The following AKAP10 variants were observed in gnomAD, a reference collection of about 807,000 sequenced individuals.
AKAP10 encodes A-kinase anchoring protein 10, also known as A-kinase anchor protein 10, mitochondrial.
A neutral mutation model predicts 80.8 loss-of-function variants in AKAP10; 24 were observed. The observed-to-expected ratio is 0.30, with a 90% CI of 0.22 to 0.42. The LOEUF (loss-of-function observed/expected upper bound fraction) is 0.42. Ranked by LOEUF, AKAP10 falls within the 10% of genes least tolerant of loss-of-function variation. The pLI is 1.00. For synonymous variants in AKAP10, 291 were observed against 277.7 expected (o/e 1.05, Z -0.48); for missense variants, 661 against 794.9 (o/e 0.83, Z 2.03).
In AKAP10 at chr17:19,916,630, AC is replaced by A. The variant is rs540090983; in HGVS notation, c.1834+3405del. On this transcript the variant is annotated intron_variant, in intron 12 of 14. Coordinates refer to ENST00000225737, the MANE Select transcript of AKAP10 (RefSeq NM_007202.4). ...CTTCATGAGCTGTCAGAGGTATGAG[AC>A]CAGATTAAAAAAAAAAAAAAATCAG... 9.9e-4 allele frequency among the ~76,000 whole-genome samples: 150 copies of A among 151,812 alleles called. 4 individuals carry two copies. The South Asian group carries it at 0.029, about 29-fold the overall frequency.
Position 19,909,241 on chromosome 17 carries a change from C to T in AKAP10, c.1923G>A (p.Met641Ile). Residue 641 changes from methionine to isoleucine, a missense_variant, in exon 14 of 15, where the codon ATG becomes ATA. Coordinates refer to ENST00000225737, the MANE Select transcript of AKAP10 (RefSeq NM_007202.4). ...QEELAWKIAK[M>I]IVSDIMQQAQ... ...CCTGCTGCATAATGTCACTGACTATCATTTTAGCAATCTTCCAAGCTAGCT... is the reference window on the plus strand; with the variant it reads ...CCTGCTGCATAATGTCACTGACTATTATTTTAGCAATCTTCCAAGCTAGCT... The T allele has an allele frequency of 6.2e-7, 1 of 1,613,644 alleles. No homozygotes were observed. The highest frequency in any genetic ancestry group is 8.5e-7 in the Non-Finnish European group (1 of 1,179,930).
chr17:19,966,826 T>TA (rs907192826), intron 2 of AKAP10, among the ~76,000 whole-genome samples: 15 of 152,128 alleles, frequency 9.9e-5, no homozygotes, highest in African/African-American at 3.1e-4. Flanking sequence ...TCCTTCCTTC[T>TA]ACTACAGTCA....
At chr17:19,912,785 C>T (rs1375699522) in intron 12 of AKAP10, among the ~76,000 whole-genome samples, 1 of 152,084 alleles carries the variant, frequency 6.6e-6, no homozygotes, top group Non-Finnish European at 1.5e-5. Flanking sequence ...AAGCTATAGG[C>T]TAGTAAATGA....
intron 10 of AKAP10, among the ~76,000 whole-genome samples, chr17:19,931,272 A>G (rs2042929251): frequency 6.6e-6 from 1 of 152,232 alleles, no homozygotes. Flanking sequence ...AGAAACAGCC[A>G]CAGATTCAAA....
intron 9 of AKAP10, among the ~76,000 whole-genome samples, chr17:19,934,208 G>A (rs964718907): frequency 1.3e-5 from 2 of 152,038 alleles, no homozygotes; most frequent in African/African-American, 2.4e-5. Context: ...GATGTGAGTC[G>A]CCGTGCCTAG....
intron 4 of AKAP10, among the ~76,000 whole-genome samples, chr17:19,948,498 T>G (rs909229274): frequency 3.3e-5 from 5 of 152,096 alleles, no homozygotes; most frequent in Non-Finnish European, 7.4e-5. Flanking sequence ...ACAGCAGCAA[T>G]GACAGCAGCT....
rs1195857137 is a variant in AKAP10 at position 19,977,642 on chromosome 17, CG to C, written c.37del (p.Arg13AlafsTer18). 3 of 1,235,198 alleles carry C rather than the reference CG, an allele frequency of 2.4e-6. No individual in the cohort carries two copies. Among genetic ancestry groups the C allele is most frequent in the Non-Finnish European group, 2.0e-6 (2 of 987,952 alleles). The allele number at this position is 1,235,198 out of a possible 1,614,324, so 76.5% of individuals were successfully genotyped here. A position where few individuals can be genotyped will look rare whatever the true frequency, so the allele number is the denominator to read the frequency against. On this transcript the variant is annotated frameshift_variant, in exon 1 of 15. Coordinates refer to ENST00000225737, the MANE Select transcript of AKAP10 (RefSeq NM_007202.4). LOFTEE classifies it high-confidence loss of function. ...GGGGCCCGGGTCGGGACGGAGGGTGCGGGGGGACTGGCGCGGGGAGGGCCCG... is the reference window on the plus strand; with the variant it reads ...GGGGCCCGGGTCGGGACGGAGGGTGCGGGGGACTGGCGCGGGGAGGGCCCG... ...GAGPSPRQSPRTLRPDPGPAM... is the reference protein window; with the variant it reads ...GAGPSPRQSPXTLRPDPGPAM...
At chr17:19,909,845 G>A (rs920005292) in intron 13 of AKAP10, 81 bp downstream of exon 13, 2 of 1,379,718 alleles carry the variant, frequency 1.4e-6, no homozygotes, top group African/African-American at 2.9e-5. Flanking sequence ...GGGACCTAAA[G>A]AAAAGGAAAA....
rs775061983 is a variant in AKAP10 at position 19,939,793 on chromosome 17, G to T, written c.1242C>A (p.Asn414Lys). 1 of 1,614,004 alleles carries T rather than the reference G, an allele frequency of 6.2e-7. No individual in the cohort carries two copies. Residue 414 changes from asparagine (N) to lysine (K), a missense_variant, in exon 8 of 15, where the codon AAC becomes AAA. Coordinates refer to ENST00000225737, the MANE Select transcript of AKAP10 (RefSeq NM_007202.4). The part of the protein sequence containing the change: ...NILQFWLAAD[N>K]FQSQLAAKKG... The stretch of plus-strand genomic sequence containing the variant: ...TTTTGGCAGCAAGCTGAGACTGGAA[G>T]TTATCTGCTGCCAACCAGAATTGTA...
chr17:19,977,647 G>A lies in AKAP10; in HGVS notation c.33C>T (p.Ser11=), dbSNP rs528303318. Residue 11 remains serine (S), a synonymous_variant, in exon 1 of 15, where the codon TCC becomes TCT. Transcript: ENST00000225737. The part of the protein sequence containing the change: MRGAGPSPRQ[S]PRTLRPDPGP... ...CCGGGTCGGGACGGAGGGTGCGGGG[G>A]GACTGGCGCGGGGAGGGCCCGGCTC... 37 of 1,235,478 alleles carry A rather than the reference G, an allele frequency of 3.0e-5. No homozygotes were observed. Among genetic ancestry groups the A allele is most frequent in the Admixed American group, 2.1e-4 (5 of 23,716 alleles). The allele number at this position is 1,235,478 out of a possible 1,614,324, so 76.5% of individuals were successfully genotyped here. A position where few individuals can be genotyped will look rare whatever the true frequency, so the allele number is the denominator to read the frequency against.
At position 19,938,453 on chromosome 17, in the gene AKAP10, T is replaced by TCTTGAACGCCTGAC. The variant is rs1347561233; in HGVS notation, c.1322+1246_1322+1259dup. Among the ~76,000 whole-genome samples the TCTTGAACGCCTGAC allele has an allele frequency of 6.9e-4, 105 of 151,734 alleles. 1 individual carries two copies. The highest frequency in any genetic ancestry group is 1.2e-3 in the Non-Finnish European group (83 of 67,930). ...GGTTTTACCATGTTGGCCAGGCTGG[T>TCTTGAACGCCTGAC]CTTGAACGCCTGACCTCAAGTAATC... is the stretch of plus-strand genomic sequence containing the variant. On this transcript the variant is annotated intron_variant, in intron 8 of 14. Transcript: ENST00000225737.
chr17:19,920,527 T>C (rs888402366), intron 11 of AKAP10, among the ~76,000 whole-genome samples: 1 of 152,098 alleles, frequency 6.6e-6, no homozygotes, highest in Non-Finnish European at 1.5e-5. Flanking sequence ...ACTAAAACTA[T>C]AGTACTATAA....
At chr17:19,955,873 A>C (rs2043269708) in intron 4 of AKAP10, among the ~76,000 whole-genome samples, 1 of 152,074 alleles carries the variant, frequency 6.6e-6, no homozygotes, top group Non-Finnish European at 1.5e-5. Context: ...TTGGACTTCC[A>C]TTTCCAGAAA....
intron 3 of AKAP10, among the ~76,000 whole-genome samples, chr17:19,959,633 AACC>A (rs1242596740): frequency 7.2e-5 from 11 of 152,238 alleles, no homozygotes; most frequent in African/African-American, 2.7e-4. Flanking sequence ...TTTAAATTAT[AACC>A]ACAAGCTAAT....
At chr17:19,963,209 CTCTT>C (rs1168034877) in intron 2 of AKAP10, among the ~76,000 whole-genome samples, 187 bp from the exon 3 acceptor site, 6 of 140,476 alleles carry the variant, frequency 4.3e-5, no homozygotes, top group South Asian at 2.2e-4. Context: ...AAAGAAAACA[CTCTT>C]TTTTTTTTTT....
chr17:19,917,725 A>C (rs1014058065), intron 12 of AKAP10, among the ~76,000 whole-genome samples: 2 of 152,060 alleles, frequency 1.3e-5, no homozygotes, highest in African/African-American at 4.8e-5. Flanking sequence ...ACTTGAGGCC[A>C]GCATGGTCAA....
At chr17:19,936,541 C>A in intron 8 of AKAP10, 111 bp from the exon 9 acceptor site, 1 of 1,062,754 alleles carries the variant, frequency 9.4e-7, no homozygotes, top group Non-Finnish European at 1.3e-6. Context: ...AGCCTGCAGG[C>A]CTAGAACTAT....
chr17:19,954,364 GAAC>G (rs1349224668), intron 4 of AKAP10, among the ~76,000 whole-genome samples: 1 of 151,716 alleles, frequency 6.6e-6, no homozygotes, highest in African/African-American at 2.4e-5. Context: ...AATGGTATTA[GAAC>G]AACTAGACAT....
intron 8 of AKAP10, among the ~76,000 whole-genome samples, chr17:19,938,452 G>A (rs1003101394): frequency 4.8e-5 from 7 of 146,430 alleles, no homozygotes; most frequent in African/African-American, 1.8e-4. Context: ...GGCCAGGCTG[G>A]TCTTGAACGC....
Sources: gnomAD v4.1 joint callset for allele counts (sites outside exome capture counted in the v4.1 genomes callset) on GRCh38, gnomAD v4.1.1 for gene constraint, MANE v1.5 for transcripts, NCBI Gene and HGNC (gene_info 2026-07-23, HGNC 2026-07-21) for gene names.